The following RUNX2 variants were observed in gnomAD, a reference collection of about 807,000 sequenced individuals.
RUNX2 encodes runt-related transcription factor 2.
RUNX2 carries 10 observed loss-of-function variants against 51.7 expected under a neutral mutation model. The ratio of observed to expected loss-of-function variants is 0.19; its 90% CI spans 0.12 to 0.33. The LOEUF is 0.33. Ranked by LOEUF, RUNX2 falls within the 10% of genes least tolerant of loss-of-function variation. RUNX2 has a pLI of 1.00. For missense variants in RUNX2, 562 were observed against 691.3 expected, an observed-to-expected ratio of 0.81 and a Z score of 2.10; for synonymous variants, 276 against 273.6, an observed-to-expected ratio of 1.01 and a Z score of -0.09.
intron 5 of RUNX2, 53 bp from the exon 6 acceptor site, chr6:45,491,888 G>A: frequency 1.9e-6 from 3 of 1,559,438 alleles, no homozygotes; most frequent in South Asian, 1.1e-5. Flanking sequence ...ATTTAGCATG[G>A]TCAATTGTTC....
intron 7 of RUNX2, among the ~76,000 whole-genome samples, chr6:45,535,253 A>C (rs1188091155): frequency 6.6e-6 from 1 of 151,348 alleles, no homozygotes; most frequent in Non-Finnish European, 1.5e-5. Context: ...AGTTAAATTA[A>C]AAAAAAAGGC....
intron 4 of RUNX2, among the ~76,000 whole-genome samples, chr6:45,433,251 C>T (rs907220403): frequency 2.0e-5 from 3 of 152,142 alleles, no homozygotes; most frequent in Non-Finnish European, 4.4e-5. Flanking sequence ...GTTATCTCTG[C>T]ATCAGGTTTA....
At chr6:45,469,646 T>C (rs116172526) in intron 5 of RUNX2, among the ~76,000 whole-genome samples, 4 of 152,360 alleles carry the variant, frequency 2.6e-5, no homozygotes, top group African/African-American at 7.2e-5. Flanking sequence ...AATCAACTTG[T>C]GAAGTCAATT....
intron 5 of RUNX2, among the ~76,000 whole-genome samples, chr6:45,464,780 A>G (rs1799575863): frequency 6.6e-6 from 1 of 152,254 alleles, no homozygotes; most frequent in Non-Finnish European, 1.5e-5. Context: ...TGTCATTTTC[A>G]TAACCATAGG....
chr6:45,543,525 G>GC (rs1314077637), intron 7 of RUNX2, among the ~76,000 whole-genome samples: 2 of 152,216 alleles, frequency 1.3e-5, no homozygotes, highest in Non-Finnish European at 2.9e-5. Flanking sequence ...CACTGGGGGA[G>GC]TGGCTGAGCT....
Position 45,547,712 on chromosome 6 carries a change from A to C in RUNX2, c.*407A>C. 1.8e-5 allele frequency: 5 copies of C among 273,472 alleles called. No homozygotes were observed. Among genetic ancestry groups the C allele is most frequent in the East Asian group, 9.7e-5 (1 of 10,270 alleles). 16.9% of individuals were successfully genotyped at this position (273,472 alleles called of 1,614,324 possible). The stretch of plus-strand genomic sequence containing the variant: ...TCCTCTCTGTGCTTTGAAACTTCAC[A>C]CCCTCACGGTGGCAGCTGTGTATGG... On this transcript the variant is annotated 3_prime_UTR_variant, in exon 9 of 9. Transcript: ENST00000647337.
At chr6:45,442,272 C>A (rs77477952) in intron 5 of RUNX2, among the ~76,000 whole-genome samples, 5,889 of 152,170 alleles carry the variant, frequency 0.039, 376 homozygotes, top group African/African-American at 0.13. Context: ...ACTTAAGATC[C>A]CAAATTTGTA....
intron 4 of RUNX2, among the ~76,000 whole-genome samples, chr6:45,434,598 G>A (rs1798630668): frequency 6.6e-6 from 1 of 152,222 alleles, no homozygotes; most frequent in Admixed American, 6.5e-5. Context: ...TAGAGCATCA[G>A]TGGAACTTGC....
At chr6:45,496,639 G>C (rs533749613) in intron 6 of RUNX2, among the ~76,000 whole-genome samples, 1 of 152,118 alleles carries the variant, frequency 6.6e-6, no homozygotes, top group East Asian at 1.9e-4. Context: ...CTAGATTATG[G>C]GGAGTCTTGG....
At chr6:45,419,871 C>CCGGTG (rs1798142447) in intron 2 of RUNX2, among the ~76,000 whole-genome samples, 1 of 151,622 alleles carries the variant, frequency 6.6e-6, no homozygotes, top group Non-Finnish European at 1.5e-5. Context: ...GGCGCAGAAT[C>CCGGTG]GCTTCTCGGA....
chr6:45,536,482 C>A (rs1313531359), intron 7 of RUNX2, among the ~76,000 whole-genome samples: 7 of 152,198 alleles, frequency 4.6e-5, no homozygotes, highest in African/African-American at 1.7e-4. Flanking sequence ...GCAATTCGAG[C>A]CACGTGCTTT....
chr6:45,430,730 G>A (rs566852057), intron 3 of RUNX2, among the ~76,000 whole-genome samples: 2 of 152,328 alleles, frequency 1.3e-5, no homozygotes, highest in South Asian at 4.1e-4. Context: ...AGACAGGCAA[G>A]CACACAGGGG....
intron 7 of RUNX2, among the ~76,000 whole-genome samples, chr6:45,523,383 A>G (rs1041763372): frequency 2.0e-5 from 3 of 151,918 alleles, no homozygotes; most frequent in African/African-American, 7.3e-5. Context: ...CCCCTAACTC[A>G]GCCTTTCTAG....
intron 5 of RUNX2, among the ~76,000 whole-genome samples, chr6:45,441,523 G>A (rs1798841975): frequency 6.6e-6 from 1 of 152,192 alleles, no homozygotes; most frequent in African/African-American, 2.4e-5. Context: ...CACAGTGACT[G>A]TCATGTAGTA....
intron 7 of RUNX2, among the ~76,000 whole-genome samples, chr6:45,541,304 G>C (rs1802221502): frequency 6.6e-6 from 1 of 152,194 alleles, no homozygotes; most frequent in African/African-American, 2.4e-5. Context: ...TTCAATAAGG[G>C]AGTGAGTAAG....
chr6:45,402,283 C>T (rs2150352515), intron 2 of RUNX2, among the ~76,000 whole-genome samples: 1 of 152,192 alleles, frequency 6.6e-6, no homozygotes, highest in South Asian at 2.1e-4. Flanking sequence ...TGCAAATTTC[C>T]TCATGCTGTT....
intron 2 of RUNX2, among the ~76,000 whole-genome samples, chr6:45,342,327 T>C (rs1789961113): frequency 6.6e-6 from 1 of 152,058 alleles, no homozygotes; most frequent in Admixed American, 6.6e-5. Context: ...AGTGGCACAA[T>C]CTCAGCTCAC....
chr6:45,413,573 G>A (rs912643888), intron 2 of RUNX2, among the ~76,000 whole-genome samples: 2 of 151,272 alleles, frequency 1.3e-5, no homozygotes, highest in Non-Finnish European at 2.9e-5. Flanking sequence ...TGGGATTACA[G>A]GTACACGCTA....
chr6:45,338,070 A>T (rs1474535824), intron 2 of RUNX2, among the ~76,000 whole-genome samples: 1 of 152,008 alleles, frequency 6.6e-6, no homozygotes, highest in Non-Finnish European at 1.5e-5. Context: ...AATAAACTTA[A>T]GTTGTACTCT....
Sources: gnomAD v4.1 joint callset for allele counts (sites outside exome capture counted in the v4.1 genomes callset) on GRCh38, gnomAD v4.1.1 for gene constraint, MANE v1.5 for transcripts, NCBI Gene and HGNC (gene_info 2026-07-23, HGNC 2026-07-21) for gene names.